PTPRT: variants seen among roughly 807,000 people sequenced by gnomAD.
PTPRT encodes receptor-type tyrosine-protein phosphatase T.
A neutral mutation model predicts 176.8 loss-of-function variants in PTPRT; 56 were observed. That is an observed-to-expected ratio of 0.32 (90% CI 0.26 to 0.40). The LOEUF is 0.40. Among genes scored for constraint, PTPRT ranks in the 10% least tolerant of loss-of-function variants. The pLI is 1.00. For missense variants in PTPRT, 1,540 were observed against 1,908.2 expected, an observed-to-expected ratio of 0.81 and a Z score of 3.60; for synonymous variants, 783 against 739.0, an observed-to-expected ratio of 1.06 and a Z score of -0.96.
intron 1 of PTPRT, among the ~76,000 whole-genome samples, chr20:43,075,299 T>C (rs894518054): frequency 6.6e-6 from 1 of 152,250 alleles, no homozygotes; most frequent in African/African-American, 2.4e-5. Flanking sequence ...ATATGGCCTG[T>C]TTTATCTTTC....
intron 17 of PTPRT, among the ~76,000 whole-genome samples, chr20:42,152,509 G>A (rs776876723): frequency 4.5e-4 from 68 of 152,250 alleles, no homozygotes; most frequent in Admixed American, 2.0e-4. Context: ...ATGTCTGCAT[G>A]TAGACTCACA....
At chr20:42,192,556 C>T (rs1284113148) in intron 16 of PTPRT, among the ~76,000 whole-genome samples, 1 of 152,156 alleles carries the variant, frequency 6.6e-6, no homozygotes, top group Non-Finnish European at 1.5e-5. Flanking sequence ...AGGGTCCACC[C>T]TCCTCTTTGG....
intron 13 of PTPRT, chr20:42,270,492 AG>A (rs1329998306): frequency 2.6e-6 from 4 of 1,538,100 alleles, no homozygotes; most frequent in Middle Eastern, 1.7e-4. Flanking sequence ...AGCATGCAGA[AG>A]AGAAGGAGAG....
Position 42,775,008 on chromosome 20 carries a change from A to T in PTPRT, c.569-3458T>A, listed in dbSNP as rs375934125. 2.4e-4 allele frequency among the ~76,000 whole-genome samples: 37 copies of T among 152,232 alleles called. No homozygotes were observed. The East Asian group carries it at 7.2e-3, about 29-fold the overall frequency. On this transcript the variant is annotated intron_variant, in intron 4 of 30. Coordinates refer to ENST00000373187, the MANE Select transcript of PTPRT (RefSeq NM_007050.6). ...CCCAGCATCTGCTGCTCTGGGAGAG[A>T]ACTTATATTCCACGAGCTTCAAATC...
At chr20:42,444,134 T>C (rs2059342304) in intron 9 of PTPRT, among the ~76,000 whole-genome samples, 2 of 151,712 alleles carry the variant, frequency 1.3e-5, no homozygotes, top group African/African-American at 4.8e-5. Flanking sequence ...CACTGTCCTC[T>C]GTGCTCAGGA....
At chr20:42,175,797 G>C (rs1305764106) in intron 16 of PTPRT, among the ~76,000 whole-genome samples, 3 of 152,078 alleles carry the variant, frequency 2.0e-5, no homozygotes, top group African/African-American at 7.2e-5. Flanking sequence ...AATTAAGATG[G>C]ATTGAAGGAT....
chr20:42,592,359 G>A (rs2073595147), intron 7 of PTPRT, among the ~76,000 whole-genome samples: 1 of 152,108 alleles, frequency 6.6e-6, no homozygotes, highest in African/African-American at 2.4e-5. Flanking sequence ...TCTCTGTCTG[G>A]AGGAGTTTCT....
chr20:42,309,890 T>C (rs574030862), intron 12 of PTPRT, among the ~76,000 whole-genome samples: 3 of 152,118 alleles, frequency 2.0e-5, no homozygotes, highest in Non-Finnish European at 4.4e-5. Context: ...CCCAACAACA[T>C]GTGCAAATAA....
the PTPRT span, among the ~76,000 whole-genome samples, chr20:42,037,846 T>C: frequency 6.6e-6 from 1 of 152,150 alleles, no homozygotes; most frequent in Admixed American, 6.5e-5. Context: ...GATGAGCGTT[T>C]ATGGTTTGCT....
Position 42,166,125 on chromosome 20 carries a change from A to AAT in PTPRT, c.2492-4585_2492-4584dup, listed in dbSNP as rs1330259233. On this transcript the variant is annotated intron_variant, in intron 16 of 30. Transcript: ENST00000373187. ...TTCCAGGATTCAACAGACACTGGTA[A>AAT]ATGGTAGGCTAATGTATGGGACAAT... Among the ~76,000 whole-genome samples the AAT allele has an allele frequency of 5.3e-5, 8 of 152,350 alleles. No homozygotes were observed. In the East Asian group the frequency reaches 1.5e-3, roughly 29 times the overall value.
chr20:42,526,330 T>A (rs1370883454), intron 7 of PTPRT, among the ~76,000 whole-genome samples: 2 of 152,158 alleles, frequency 1.3e-5, no homozygotes, highest in Non-Finnish European at 2.9e-5. Context: ...CTTTCTAACG[T>A]TTTACTGATT....
At chr20:42,729,525 C>T (rs182487969) in intron 6 of PTPRT, among the ~76,000 whole-genome samples, 150 of 152,302 alleles carry the variant, frequency 9.8e-4, no homozygotes, top group African/African-American at 3.3e-3. Context: ...AGAAAGATGC[C>T]TACAACAAGC....
At chr20:42,529,847 GAA>G (rs140817588) in intron 7 of PTPRT, among the ~76,000 whole-genome samples, 75 of 108,456 alleles carry the variant, frequency 6.9e-4, no homozygotes, top group Middle Eastern at 4.9e-3. Context: ...CTTGTTAGAG[GAA>G]AAAAAAAAAA....
chr20:42,960,213 C>A (rs966821010), intron 1 of PTPRT, among the ~76,000 whole-genome samples: 3 of 152,002 alleles, frequency 2.0e-5, no homozygotes, highest in African/African-American at 7.3e-5. Context: ...AACAAAATAC[C>A]TTAGACTGGG....
At chr20:42,973,576 C>T (rs537309248) in intron 1 of PTPRT, among the ~76,000 whole-genome samples, 9 of 152,204 alleles carry the variant, frequency 5.9e-5, no homozygotes, top group South Asian at 4.2e-4. Flanking sequence ...CTCTGTGCAG[C>T]GACCTCAGCC....
chr20:42,750,117 T>G (rs1047941945), intron 6 of PTPRT, among the ~76,000 whole-genome samples: 45 of 152,222 alleles, frequency 3.0e-4, no homozygotes, highest in Non-Finnish European at 1.3e-4. Context: ...TCAATCCCAT[T>G]TCAGAAGAGG....
chr20:42,118,906 G>A (rs1987434039), intron 20 of PTPRT, among the ~76,000 whole-genome samples: 1 of 151,114 alleles, frequency 6.6e-6, no homozygotes, highest in Non-Finnish European at 1.5e-5. Flanking sequence ...GGTGGGGGGT[G>A]GAGAGAGCTG....
intron 9 of PTPRT, among the ~76,000 whole-genome samples, chr20:42,384,815 T>C (rs1164233951): frequency 6.6e-6 from 1 of 152,234 alleles, no homozygotes; most frequent in Non-Finnish European, 1.5e-5. Flanking sequence ...CACTGTGGTT[T>C]TGATTTGCAC....
At chr20:42,433,376 C>T (rs2059232787) in intron 9 of PTPRT, among the ~76,000 whole-genome samples, 1 of 152,198 alleles carries the variant, frequency 6.6e-6, no homozygotes, top group Non-Finnish European at 1.5e-5. Context: ...AGAGCTTCAC[C>T]TATCCCCCTA....
Sources: allele counts gnomAD v4.1 joint callset (sites outside exome capture counted in the v4.1 genomes callset), GRCh38; gene constraint gnomAD v4.1.1; transcripts MANE v1.5; gene names NCBI Gene and HGNC (gene_info 2026-07-23, HGNC 2026-07-21).